The following RBSN variants were observed in gnomAD, a reference collection of about 807,000 sequenced individuals.
The protein encoded by RBSN is rabenosyn, RAB effector.
A neutral mutation model predicts 60.5 loss-of-function variants in RBSN; 34 were observed. The ratio of observed to expected loss-of-function variants is 0.56; its 90% CI spans 0.43 to 0.75. The LOEUF (loss-of-function observed/expected upper bound fraction) is 0.75. RBSN is among the 30% of genes least tolerant of loss of function. RBSN has a pLI of 0.00. For missense variants in RBSN, 845 were observed against 986.8 expected (o/e 0.86, Z 1.92); for synonymous variants, 322 against 366.9 (o/e 0.88, Z 1.40).
At chr3:15,078,796 AT>A (rs2043128115) in intron 10 of RBSN, among the ~76,000 whole-genome samples, 1 of 86,884 alleles carries the variant, frequency 1.2e-5, no homozygotes, top group Non-Finnish European at 2.2e-5. Context: ...ATATATATAT[AT>A]ATATATATAT....
In RBSN at chr3:15,074,295, G is replaced by A; in HGVS notation, c.1842C>T (p.Ser614=). Residue 614 remains serine, a synonymous_variant, in exon 14 of 14, where the codon AGC becomes AGT. Coordinates refer to ENST00000253699, the MANE Select transcript of RBSN (RefSeq NM_022340.4). This position sits in a 1 kb window ranked among gnomAD's most constrained non-coding sequence, Gnocchi z 6.4. Reference sequence around the variant, plus strand: ...GCCCCTCATGTTGCTGTGGCATGCTGCTCTGGGGTAAGCGCTCCTGGCCAA... The same window carrying A: ...GCCCCTCATGTTGCTGTGGCATGCTACTCTGGGGTAAGCGCTCCTGGCCAA... ...PAVGQERLPQ[S]SMPQQHEGPS... The A allele has an allele frequency of 6.2e-7, 1 of 1,614,096 alleles. No individual in the cohort carries two copies. The highest frequency in any genetic ancestry group is 8.5e-7 in the Non-Finnish European group (1 of 1,179,996).
At position 15,089,479 on chromosome 3, in the gene RBSN, A is replaced by AAAC. The variant is rs1553595704; in HGVS notation, c.289+919_289+920insGTT. Among the ~76,000 whole-genome samples, 323 of 103,972 alleles carry AAAC rather than the reference A, an allele frequency of 3.1e-3. 6 individuals carry two copies. The highest frequency in any genetic ancestry group is 3.5e-3 in the Non-Finnish European group (206 of 59,284). The allele number at this position is 103,972 out of a possible 152,430, so 68.2% of individuals were successfully genotyped here. A position where few individuals can be genotyped will look rare whatever the true frequency, so the allele number is the denominator to read the frequency against. ...TCCAAAAAAAAAAAAAAAAAAAAAC[A>AAAC]AAAAAAAAAAACAGATATGTAAGAT... On this transcript the variant is annotated intron_variant, in intron 5 of 13. Transcript: ENST00000253699.
Position 15,084,925 on chromosome 3 carries a change from C to A in RBSN, c.437-29G>T, listed in dbSNP as rs1411134294. The A allele has an allele frequency of 1.2e-6, 2 of 1,612,668 alleles. No individual in the cohort carries two copies. Among genetic ancestry groups the A allele is most frequent in the Admixed American group, 1.7e-5 (1 of 59,800 alleles). On this transcript the variant is annotated intron_variant, in intron 7 of 13. Transcript: ENST00000253699. The surrounding 1 kb of genome is among the most constrained non-coding windows in gnomAD (Gnocchi z 4.2). ...TGGGAAGAGCAAACCAACAAGAAAG[C>A]AGGCCATTTTAAAGAGAGCTTTGGT...
In RBSN at chr3:15,077,278, G is replaced by A; in HGVS notation, c.999-114C>T. The A allele has an allele frequency of 1.2e-6, 1 of 863,768 alleles. No homozygotes were observed. Among genetic ancestry groups the A allele is most frequent in the Non-Finnish European group, 1.9e-6 (1 of 527,150 alleles). The allele number at this position is 863,768 out of a possible 1,614,324, so 53.5% of individuals were successfully genotyped here. A position where few individuals can be genotyped will look rare whatever the true frequency, so the allele number is the denominator to read the frequency against. ...TCATGCCAGGAAGGTGTGTAAAGATGGACAAGTGACTCCATTGAAGTTTCT... is the reference window on the plus strand; with the variant it reads ...TCATGCCAGGAAGGTGTGTAAAGATAGACAAGTGACTCCATTGAAGTTTCT... On this transcript the variant is annotated intron_variant, in intron 11 of 13. Coordinates refer to ENST00000253699, the MANE Select transcript of RBSN (RefSeq NM_022340.4). The surrounding 1 kb of genome is among the most constrained non-coding windows in gnomAD (Gnocchi z 4.4).
At chr3:15,075,765 C>T (rs2043038168) in intron 12 of RBSN, 55 bp from the exon 13 acceptor site, 4 of 1,440,208 alleles carry the variant, frequency 2.8e-6, no homozygotes, top group Non-Finnish European at 3.9e-6. Flanking sequence ...AAAAAATGAA[C>T]CTTAAGCCCC....
Position 15,074,339 on chromosome 3 carries a change from A to T in RBSN, c.1798T>A (p.Trp600Arg). ...SLSSTQPTRV[W>R]SGPPAVGQER... ...TGGCCAACGGCTGGGGGCCCAGACC[A>T]CACTCTGGTGGGTTGAGTTGAGCTA... is the stretch of plus-strand genomic sequence containing the variant. The change falls in exon 14 of 14, where the codon TGG (tryptophan) becomes AGG (arginine). Residue 600 changes from tryptophan (W) to arginine (R), a missense_variant. By Grantham distance (101) the Trp-to-Arg change is moderately radical. Transcript: ENST00000253699. This position sits in a 1 kb window ranked among gnomAD's most constrained non-coding sequence, Gnocchi z 6.4. 6.2e-7 allele frequency: 1 copy of T among 1,614,080 alleles called. No homozygotes were observed. Among genetic ancestry groups the T allele is most frequent in the Non-Finnish European group, 8.5e-7 (1 of 1,179,992 alleles).
chr3:15,077,133 C>G lies in RBSN; in HGVS notation c.1030G>C (p.Asp344His). 6.2e-7 allele frequency: 1 copy of G among 1,614,072 alleles called. No individual in the cohort carries two copies. Among genetic ancestry groups the G allele is most frequent in the South Asian group, 1.1e-5 (1 of 91,074 alleles). ...KKILTLGLNQ[D>H]PPPHPSNLRL... ...AAATTGCTTGGATGTGGTGGAGGGT[C>G]CTGGTTCAAGCCCAAGGTTAAGATC... Residue 344 changes from aspartate (D) to histidine (H), a missense_variant, in exon 12 of 14, where the codon GAC becomes CAC. Physicochemically the swap from Asp to His is moderately conservative, Grantham distance 81. Transcript: ENST00000253699. This position sits in a 1 kb window ranked among gnomAD's most constrained non-coding sequence, Gnocchi z 4.4.
intron 13 of RBSN, 169 bp downstream of exon 13, chr3:15,075,437 T>C (rs1559340131): frequency 2.8e-6 from 2 of 713,384 alleles, no homozygotes; most frequent in Non-Finnish European, 5.1e-6. Flanking sequence ...AAAACAATTA[T>C]TCTAGTTCCC....
At chr3:15,089,468 A>AAC (rs1559350569) in intron 5 of RBSN, among the ~76,000 whole-genome samples, 1 of 112,938 alleles carries the variant, frequency 8.9e-6, no homozygotes, top group Non-Finnish European at 1.6e-5. Context: ...AAAAAAAAAA[A>AAC]AAAAAAAAAC....
chr3:15,080,281 T>A (rs971397540), intron 10 of RBSN, among the ~76,000 whole-genome samples: 1 of 151,096 alleles, frequency 6.6e-6, no homozygotes, highest in South Asian at 2.1e-4. Context: ...CAGGATACAT[T>A]TGGCCCACGG....
rs894174013 is a variant in RBSN at position 15,070,365 on chromosome 3, C to G, written c.*3417G>C. The G allele has an allele frequency of 6.6e-6, 1 of 152,600 alleles. No homozygotes were observed. The highest frequency in any genetic ancestry group is 1.5e-5 in the Non-Finnish European group (1 of 68,046). 9.5% of individuals were successfully genotyped at this position (152,600 alleles called of 1,614,324 possible). On this transcript the variant is annotated 3_prime_UTR_variant, in exon 14 of 14. Transcript: ENST00000253699. ...GAGTAAGTATCCTTAGTGTATTAGA[C>G]AGGGTAAATACAAACAAGGCATAAA...
At chr3:15,095,240 T>C (rs1575110282) in intron 4 of RBSN, among the ~76,000 whole-genome samples, 1 of 151,888 alleles carries the variant, frequency 6.6e-6, no homozygotes, top group Non-Finnish European at 1.5e-5. Flanking sequence ...CCCAGGCTGG[T>C]CTTGAACTCC....
intron 6 of RBSN, 143 bp downstream of exon 6, chr3:15,085,718 C>T: frequency 1.4e-6 from 1 of 700,960 alleles, no homozygotes; most frequent in Non-Finnish European, 2.5e-6. Flanking sequence ...TCCACCATGT[C>T]CTTTGCACCT....
At chr3:15,095,310 C>T (rs1489775063) in intron 4 of RBSN, among the ~76,000 whole-genome samples, 1 of 149,962 alleles carries the variant, frequency 6.7e-6, no homozygotes, top group African/African-American at 2.5e-5. Context: ...AGGCGTGAGC[C>T]ACTGTGCCCG....
chr3:15,084,966 AAT>A lies in RBSN; in HGVS notation c.436+32_436+33del. 6.2e-7 allele frequency: 1 copy of A among 1,614,126 alleles called. No homozygotes were observed. The highest frequency in any genetic ancestry group is 8.5e-7 in the Non-Finnish European group (1 of 1,179,986). ...GAGCTTTGGTCAGGGAAAAAAAGAT[AAT>A]AAGATGAATGTGAGCAAAGTTTTAA... On this transcript the variant is annotated intron_variant, in intron 7 of 13. Coordinates refer to ENST00000253699, the MANE Select transcript of RBSN (RefSeq NM_022340.4). The surrounding 1 kb of genome is among the most constrained non-coding windows in gnomAD (Gnocchi z 4.2).
rs1393579814 is a variant in RBSN, at chr3:15,070,810, TTCAA to T, written c.*2968_*2971del. 1 of 152,538 alleles carries T rather than the reference TTCAA, an allele frequency of 6.6e-6. No individual in the cohort carries two copies. Among genetic ancestry groups the T allele is most frequent in the Non-Finnish European group, 1.5e-5 (1 of 68,054 alleles). 9.4% of individuals were successfully genotyped at this position (152,538 alleles called of 1,614,324 possible). On this transcript the variant is annotated 3_prime_UTR_variant, in exon 14 of 14. Transcript: ENST00000253699. Reference sequence around the variant, plus strand: ...TATGATTTTAGTTTGGTTTAGTATATTCAATCAGTCAGTTTTGTTTGTTTTTTGT... The same window carrying T: ...TATGATTTTAGTTTGGTTTAGTATATTCAGTCAGTTTTGTTTGTTTTTTGT...
At chr3:15,088,676 G>A (rs902633061) in intron 5 of RBSN, among the ~76,000 whole-genome samples, 3 of 152,028 alleles carry the variant, frequency 2.0e-5, no homozygotes, top group East Asian at 1.9e-4. Flanking sequence ...CACTGCGCCC[G>A]GCTGTATAGT....
At chr3:15,089,401 G>A (rs1236186447) in intron 5 of RBSN, among the ~76,000 whole-genome samples, 1 of 134,240 alleles carries the variant, frequency 7.4e-6, no homozygotes, top group Non-Finnish European at 1.5e-5. Context: ...GGAATGCAGT[G>A]AGCCATGACG....
intron 2 of RBSN, among the ~76,000 whole-genome samples, chr3:15,097,129 G>A (rs1217257550): frequency 6.6e-6 from 1 of 152,128 alleles, no homozygotes; most frequent in East Asian, 1.9e-4. Flanking sequence ...CCAAACTGCT[G>A]AGATTACAGA....
Sources: allele counts gnomAD v4.1 joint callset (sites outside exome capture counted in the v4.1 genomes callset), GRCh38; gene constraint gnomAD v4.1.1; non-coding constraint Gnocchi (gnomAD v3.1); transcripts MANE v1.5; gene names NCBI Gene and HGNC (gene_info 2026-07-23, HGNC 2026-07-21).